The following SORBS2 variants were observed in gnomAD, a reference collection of about 807,000 sequenced individuals.
SORBS2 encodes sorbin and SH3 domain containing 2.
A neutral mutation model predicts 97.7 loss-of-function variants in SORBS2; 46 were observed. That is an observed-to-expected ratio of 0.47 (90% CI 0.37 to 0.60). The LOEUF is 0.60. Among genes scored for constraint, SORBS2 ranks in the 20% least tolerant of loss-of-function variants. SORBS2 has a pLI of 0.00. For synonymous variants in SORBS2, 476 were observed against 473.4 expected, an observed-to-expected ratio of 1.01 and a Z score of -0.07; for missense variants, 1,316 against 1,282.3, an observed-to-expected ratio of 1.03 and a Z score of -0.40.
At chr4:185,701,026 C>CACT (rs2098253919) in intron 2 of SORBS2, among the ~76,000 whole-genome samples, 1 of 152,176 alleles carries the variant, frequency 6.6e-6, no homozygotes, top group African/African-American at 2.4e-5. Context: ...TCATAATACT[C>CACT]TAACTTATTT....
intron 2 of SORBS2, among the ~76,000 whole-genome samples, chr4:185,740,550 G>A (rs2098716020): frequency 6.6e-6 from 1 of 152,162 alleles, no homozygotes; most frequent in Non-Finnish European, 1.5e-5. Flanking sequence ...CTGCGCTGCA[G>A]CAGGAAGTGA....
intron 1 of SORBS2, among the ~76,000 whole-genome samples, chr4:185,934,939 C>T (rs1038987526): frequency 2.0e-5 from 3 of 152,140 alleles, no homozygotes; most frequent in Non-Finnish European, 2.9e-5. Flanking sequence ...CATGGCTCTT[C>T]GGGATAGTTT....
Position 185,606,641 on chromosome 4 carries a change from G to C in SORBS2, c.2796+5139C>G, listed in dbSNP as rs1580806516. On this transcript the variant is annotated intron_variant, in intron 12 of 14. Transcript: ENST00000418609. The surrounding 1 kb of genome is among the most constrained non-coding windows in gnomAD (Gnocchi z 4.3). ...TCCTTGGGGGTCCTAGGATCTGTGG[G>C]GGTGGCTATGGGGTGTTTTAGGCAG... 1.0e-6 allele frequency: 1 copy of C among 985,046 alleles called. No individual in the cohort carries two copies. The highest frequency in any genetic ancestry group is 1.2e-6 in the Non-Finnish European group (1 of 829,868). 61.0% of individuals were successfully genotyped at this position (985,046 alleles called of 1,614,324 possible).
intron 1 of SORBS2, among the ~76,000 whole-genome samples, chr4:185,849,979 C>T (rs570879159): frequency 7.5e-4 from 114 of 152,286 alleles, no homozygotes; most frequent in African/African-American, 2.5e-3. Flanking sequence ...TTCTACGTTG[C>T]GTTTTGATCC....
chr4:185,673,361 ACAGCTTCAT>A (rs1183971239), intron 4 of SORBS2, among the ~76,000 whole-genome samples: 1 of 152,226 alleles, frequency 6.6e-6, no homozygotes, highest in Non-Finnish European at 1.5e-5. Flanking sequence ...AAAAACTGCA[ACAGCTTCAT>A]GCTACCTTTT....
At chr4:185,863,037 G>A (rs930927509) in intron 1 of SORBS2, among the ~76,000 whole-genome samples, 11 of 152,212 alleles carry the variant, frequency 7.2e-5, no homozygotes, top group Non-Finnish European at 1.3e-4. Flanking sequence ...GGCCAGTGGA[G>A]AGGTGGGACA....
At chr4:185,942,295 G>A (rs2099272398) in intron 1 of SORBS2, among the ~76,000 whole-genome samples, 1 of 152,070 alleles carries the variant, frequency 6.6e-6, no homozygotes, top group African/African-American at 2.4e-5. Context: ...AGCACTTTTT[G>A]CAGTCCTCAA....
intron 13 of SORBS2, among the ~76,000 whole-genome samples, chr4:185,591,502 T>C (rs576929606): frequency 5.3e-5 from 8 of 152,152 alleles, no homozygotes; most frequent in Non-Finnish European, 1.2e-4. Context: ...CTAGGGGTAG[T>C]CCATTTATTT....
intron 1 of SORBS2, among the ~76,000 whole-genome samples, chr4:185,861,863 C>T (rs1355847376): frequency 1.3e-5 from 2 of 152,176 alleles, no homozygotes; most frequent in Non-Finnish European, 2.9e-5. Context: ...TCCCAAAGTG[C>T]TGGGATTACA....
chr4:185,899,500 T>C (rs943711293), intron 1 of SORBS2, among the ~76,000 whole-genome samples: 1 of 152,114 alleles, frequency 6.6e-6, no homozygotes, highest in Non-Finnish European at 1.5e-5. Context: ...GGCGTGATCA[T>C]GGATCCCTGC....
chr4:185,836,600 G>A (rs1439803319), intron 1 of SORBS2, among the ~76,000 whole-genome samples: 2 of 147,282 alleles, frequency 1.4e-5, no homozygotes, highest in East Asian at 2.0e-4. Flanking sequence ...TTTTATCCCC[G>A]TGTCACACCG....
intron 2 of SORBS2, among the ~76,000 whole-genome samples, chr4:185,693,534 C>G (rs993355625): frequency 6.6e-6 from 1 of 152,154 alleles, no homozygotes; most frequent in African/African-American, 2.4e-5. Context: ...ACTTCTAAAA[C>G]AAGAAGGGAT....
intron 4 of SORBS2, among the ~76,000 whole-genome samples, chr4:185,676,276 G>T (rs1289638431): frequency 6.6e-6 from 1 of 152,136 alleles, no homozygotes; most frequent in African/African-American, 2.4e-5. Context: ...ATGATGCCTG[G>T]ATTAAAATCT....
chr4:185,781,007 G>A (rs190948147), intron 1 of SORBS2, among the ~76,000 whole-genome samples: 44 of 152,128 alleles, frequency 2.9e-4, no homozygotes, highest in African/African-American at 9.4e-4. Context: ...GGGTGATCTC[G>A]GCTCACTGCA....
intron 4 of SORBS2, among the ~76,000 whole-genome samples, chr4:185,673,373 T>C (rs1457840880): frequency 6.6e-6 from 1 of 152,226 alleles, no homozygotes; most frequent in Non-Finnish European, 1.5e-5. Context: ...AGCTTCATGC[T>C]ACCTTTTTTA....
chr4:185,831,628 G>A (rs933949589), intron 1 of SORBS2, among the ~76,000 whole-genome samples: 1 of 152,172 alleles, frequency 6.6e-6, no homozygotes, highest in Non-Finnish European at 1.5e-5. Context: ...TCCATGAAGG[G>A]TTACTAAGTT....
At chr4:185,819,516 G>A (rs2099195412) in intron 1 of SORBS2, among the ~76,000 whole-genome samples, 1 of 152,220 alleles carries the variant, frequency 6.6e-6, no homozygotes, top group African/African-American at 2.4e-5. Flanking sequence ...ACGCCTTTTG[G>A]TCCCAGGTAA....
At chr4:185,762,641 T>G (rs1046347228) in intron 2 of SORBS2, among the ~76,000 whole-genome samples, 1 of 152,212 alleles carries the variant, frequency 6.6e-6, no homozygotes, top group Admixed American at 6.5e-5. Context: ...GCCAGTAATC[T>G]AAAAGACTTG....
At chr4:185,849,101 A>G (rs2099216306) in intron 1 of SORBS2, among the ~76,000 whole-genome samples, 1 of 152,182 alleles carries the variant, frequency 6.6e-6, no homozygotes, top group Admixed American at 6.5e-5. Context: ...CACCTCTTAT[A>G]TAGCTGGCCC....
Sources: allele counts gnomAD v4.1 joint callset (sites outside exome capture counted in the v4.1 genomes callset), GRCh38; gene constraint gnomAD v4.1.1; non-coding constraint Gnocchi (gnomAD v3.1); transcripts MANE v1.5; gene names NCBI Gene and HGNC (gene_info 2026-07-23, HGNC 2026-07-21).